Variants in CERKL observed in about 807,000 individuals in gnomAD.
CERKL encodes the protein CERK like autophagy regulator, also known as ceramide kinase-like protein.
A neutral mutation model predicts 63.4 loss-of-function variants in CERKL; 61 were observed. The observed-to-expected ratio is 0.96, with a 90% CI of 0.78 to 1.19. CERKL has a LOEUF of 1.19. CERKL is among the 50% of genes most tolerant of loss of function. The pLI is 0.00. For missense variants in CERKL, 675 were observed against 655.5 expected (o/e 1.03, Z -0.33); for synonymous variants, 250 against 230.5 (o/e 1.08, Z -0.77).
intron 2 of CERKL, among the ~76,000 whole-genome samples, chr2:181,597,086 C>T (rs1214304599): frequency 6.6e-6 from 1 of 152,076 alleles, no homozygotes; most frequent in East Asian, 1.9e-4. Context: ...GTTATGTCTG[C>T]AGACTCCTAC....
chr2:181,595,865 T>C (rs1228878950), intron 2 of CERKL, among the ~76,000 whole-genome samples: 1 of 152,180 alleles, frequency 6.6e-6, no homozygotes, highest in Non-Finnish European at 1.5e-5. Flanking sequence ...GATGCTATTA[T>C]TATGAAGATT....
intron 2 of CERKL, among the ~76,000 whole-genome samples, chr2:181,598,356 G>GA (rs1383152928): frequency 6.6e-6 from 1 of 152,060 alleles, no homozygotes; most frequent in Non-Finnish European, 1.5e-5. Flanking sequence ...GGAACCCAAG[G>GA]AAAAAATCTT....
Position 181,536,797 on chromosome 2 carries a change from T to TATGATCTAGATA in CERKL, c.*1375_*1386dup, listed in dbSNP as rs1267383755. On this transcript the variant is annotated 3_prime_UTR_variant, in exon 13 of 13. Coordinates refer to ENST00000410087, the MANE Select transcript of CERKL (RefSeq NM_201548.5). ...ATTTTTGTAATATTTATTTTATGCT[T>TATGATCTAGATA]ATGATCTAGATAATTGCAGAATATC... is the stretch of plus-strand genomic sequence containing the variant. 3.7e-6 allele frequency: 1 copy of TATGATCTAGATA among 271,018 alleles called. No homozygotes were observed. The highest frequency in any genetic ancestry group is 7.4e-6 in the Non-Finnish European group (1 of 135,980). The allele number at this position is 271,018 out of a possible 1,614,324, so 16.8% of individuals were successfully genotyped here. A position where few individuals can be genotyped will look rare whatever the true frequency, so the allele number is the denominator to read the frequency against.
chr2:181,589,882 T>G (rs1262072021), intron 2 of CERKL, among the ~76,000 whole-genome samples: 1 of 152,192 alleles, frequency 6.6e-6, no homozygotes, highest in African/African-American at 2.4e-5. Flanking sequence ...TGGAGTGCAA[T>G]GGCACAATCA....
At chr2:181,593,888 T>C (rs1350788642) in intron 2 of CERKL, among the ~76,000 whole-genome samples, 4 of 146,878 alleles carry the variant, frequency 2.7e-5, no homozygotes, top group Non-Finnish European at 6.0e-5. Context: ...AAAAAAAGAA[T>C]GTATTTTTGA....
intron 1 of CERKL, among the ~76,000 whole-genome samples, chr2:181,604,745 C>T (rs1208314749): frequency 6.6e-6 from 1 of 151,908 alleles, no homozygotes; most frequent in African/African-American, 2.4e-5. Context: ...ATATACATTC[C>T]CATTAAAGTA....
Position 181,548,542 on chromosome 2 carries a change from TA to T in CERKL, c.1133+2del, listed in dbSNP as rs1157880126. The T allele has an allele frequency of 1.9e-6, 3 of 1,604,494 alleles. No individual in the cohort carries two copies. Among genetic ancestry groups the T allele is most frequent in the Non-Finnish European group, 2.6e-6 (3 of 1,171,796 alleles). On this transcript the variant is annotated splice_donor_variant, in intron 8 of 12. Coordinates refer to ENST00000410087, the MANE Select transcript of CERKL (RefSeq NM_201548.5). LOFTEE classifies it high-confidence loss of function. The stretch of plus-strand genomic sequence containing the variant: ...ATCTGTATTACATTGAGTTTTTACC[TA>T]CCTTTCTTGCACATCATCAGAGCTG...
chr2:181,591,126 T>C (rs1323625849), intron 2 of CERKL, among the ~76,000 whole-genome samples: 2 of 152,174 alleles, frequency 1.3e-5, no homozygotes, highest in African/African-American at 4.8e-5. Flanking sequence ...GTATATGCTG[T>C]TAAGTTTAAA....
At chr2:181,575,680 G>A (rs1272982135) in intron 2 of CERKL, among the ~76,000 whole-genome samples, 2 of 152,154 alleles carry the variant, frequency 1.3e-5, no homozygotes, top group African/African-American at 2.4e-5. Flanking sequence ...TTTAGGCAGT[G>A]AGAGCTGCCT....
intron 1 of CERKL, among the ~76,000 whole-genome samples, chr2:181,622,769 T>C (rs1347615101): frequency 2.0e-5 from 3 of 152,196 alleles, no homozygotes; most frequent in East Asian, 1.9e-4. Flanking sequence ...AATTACAAAG[T>C]TGATTGAATA....
chr2:181,566,865 G>A (rs1013431468), intron 3 of CERKL, among the ~76,000 whole-genome samples: 16 of 152,146 alleles, frequency 1.1e-4, no homozygotes, highest in African/African-American at 2.9e-4. Flanking sequence ...AGCTCTGCCA[G>A]AAGAGACAGC....
chr2:181,539,290 ATACTTGGTTT>A lies in CERKL; in HGVS notation c.1366-36_1366-27del, dbSNP rs974838738. On this transcript the variant is annotated intron_variant, in intron 11 of 12. Coordinates refer to ENST00000410087, the MANE Select transcript of CERKL (RefSeq NM_201548.5). ...CTAAAAATAAATACAAATAATCATTATACTTGGTTTATCTCTAGCTACTAACGCGAATCAA... is the reference window on the plus strand; with the variant it reads ...CTAAAAATAAATACAAATAATCATTAATCTCTAGCTACTAACGCGAATCAA... The A allele has an allele frequency of 2.0e-6, 3 of 1,463,502 alleles. No individual in the cohort carries two copies. The Admixed American group carries it at 5.0e-5, about 25-fold the overall frequency. The allele number at this position is 1,463,502 out of a possible 1,614,324, so 90.7% of individuals were successfully genotyped here. A position where few individuals can be genotyped will look rare whatever the true frequency, so the allele number is the denominator to read the frequency against.
At chr2:181,554,376 T>C (rs888359400) in intron 5 of CERKL, among the ~76,000 whole-genome samples, 3 of 152,132 alleles carry the variant, frequency 2.0e-5, no homozygotes, top group East Asian at 1.9e-4. Flanking sequence ...TGAAATATCA[T>C]AGAAATTAAC....
At chr2:181,612,262 T>C (rs1318474967) in intron 1 of CERKL, among the ~76,000 whole-genome samples, 1 of 152,194 alleles carries the variant, frequency 6.6e-6, no homozygotes, top group African/African-American at 2.4e-5. Context: ...CTGTCATCTG[T>C]TTTGTTTTTT....
chr2:181,644,812 G>GT (rs5836802), intron 1 of CERKL, among the ~76,000 whole-genome samples: 105,320 of 152,028 alleles, frequency 0.69, 37,012 homozygotes, highest in East Asian at 0.92. Flanking sequence ...ATGTAAACAT[G>GT]AATCATTCAA....
At chr2:181,654,512 C>T (rs1388220238) in intron 1 of CERKL, among the ~76,000 whole-genome samples, 2 of 152,120 alleles carry the variant, frequency 1.3e-5, no homozygotes, top group Non-Finnish European at 2.9e-5. Context: ...TGAAAACATA[C>T]GTATGTTCTA....
chr2:181,549,099 A>G (rs1687871603), intron 6 of CERKL, among the ~76,000 whole-genome samples: 1 of 152,192 alleles, frequency 6.6e-6, no homozygotes, highest in Admixed American at 6.6e-5. Context: ...GCTATTTCCT[A>G]TAAAACATGG....
intron 1 of CERKL, among the ~76,000 whole-genome samples, chr2:181,645,638 C>A (rs6718072): frequency 6.6e-6 from 1 of 152,130 alleles, no homozygotes; most frequent in Non-Finnish European, 1.5e-5. Context: ...TGCCTAGTGG[C>A]CTCCTCTACA....
In CERKL at chr2:181,656,776, G is replaced by A. The variant is rs760490947; in HGVS notation, c.231C>T (p.Arg77=). 2 of 1,593,480 alleles carry A rather than the reference G, an allele frequency of 1.3e-6. No individual in the cohort carries two copies. The highest frequency in any genetic ancestry group is 1.7e-6 in the Non-Finnish European group (2 of 1,169,458). ...TTGGGGCCGGGCACTCACCCGCCGG[G>A]CGCTCGGGCTGAATGGGCCGCCACC... ...ALRWRPIQPE[R]PAGDSKYDLL... is the part of the protein sequence containing the mutation. The change falls in exon 1 of 13, where the codon CGC becomes CGT. Residue 77 remains arginine, a synonymous_variant. Transcript: ENST00000410087.
Sources: gnomAD v4.1 joint callset for allele counts (sites outside exome capture counted in the v4.1 genomes callset) on GRCh38, gnomAD v4.1.1 for gene constraint, MANE v1.5 for transcripts, NCBI Gene and HGNC (gene_info 2026-07-23, HGNC 2026-07-21) for gene names.